The following ZNF273 variants were observed in gnomAD, a reference collection of about 807,000 sequenced individuals.
The protein encoded by ZNF273 is zinc finger protein 9.
ZNF273 carries 11 observed loss-of-function variants against 14.9 expected under a neutral mutation model. That is an observed-to-expected ratio of 0.74 (90% CI 0.46 to 1.22). The LOEUF (loss-of-function observed/expected upper bound fraction) is 1.22, where lower values mean the gene tolerates loss of function less well. Among genes scored for constraint, ZNF273 ranks in the 50% most tolerant of loss-of-function variants. The pLI is 0.00. For synonymous variants in ZNF273, 199 were observed against 223.9 expected (o/e 0.89, Z 0.99); for missense variants, 577 against 660.6 (o/e 0.87, Z 1.39).
upstream of ZNF273, among the ~76,000 whole-genome samples, chr7:64,899,693 A>C (rs1163630157): frequency 2.6e-5 from 4 of 152,084 alleles, no homozygotes; most frequent in African/African-American, 9.7e-5. Flanking sequence ...AAGTTGTTTA[A>C]AGTTCAGTAT....
upstream of ZNF273, among the ~76,000 whole-genome samples, chr7:64,901,982 G>A (rs1307212196): frequency 6.6e-6 from 1 of 151,134 alleles, no homozygotes; most frequent in Non-Finnish European, 1.5e-5. Flanking sequence ...GCACTACTTT[G>A]GGAGGCCAAG....
chr7:64,912,831 T>TTGTTGTTTTG (rs1283651560), intron 1 of ZNF273, among the ~76,000 whole-genome samples: 1 of 86,624 alleles, frequency 1.2e-5, no homozygotes, highest in African/African-American at 3.4e-5. Flanking sequence ...TTTTAGTTTT[T>TTGTTGTTTTG]TTTTTTTTTT....
At chr7:64,878,669 A>G (rs902961206) in intron 2 of ZNF273, among the ~76,000 whole-genome samples, 2 of 152,214 alleles carry the variant, frequency 1.3e-5, no homozygotes, top group Non-Finnish European at 2.9e-5. Context: ...CATTTGGGGA[A>G]CCACTGGAGC....
chr7:64,884,822 G>T (rs1223342638), intron 1 of ZNF273, among the ~76,000 whole-genome samples: 1 of 152,212 alleles, frequency 6.6e-6, no homozygotes, highest in Admixed American at 6.5e-5. Context: ...CCTCCAGCGG[G>T]ACCCGACTAA....
chr7:64,907,265 GTTTC>G (rs1793181703), intron 1 of ZNF273, among the ~76,000 whole-genome samples: 1 of 152,134 alleles, frequency 6.6e-6, no homozygotes, highest in East Asian at 1.9e-4. Context: ...ATGGGAGGGT[GTTTC>G]TTTCCATCAA....
rs780773605 is a variant in ZNF273 at position 64,917,612 on chromosome 7, A to C, written c.134A>C (p.Glu45Ala). Residue 45 changes from glutamate to alanine, a missense_variant, in exon 2 of 4, where the codon GAA becomes GCA. Glu to Ala is a moderately radical substitution (Grantham distance 107, BLOSUM62 -1). Coordinates refer to ENST00000476120, the MANE Select transcript of ZNF273 (RefSeq NM_021148.3). ...CTGACATTTAGGGATGTGGCCATAG[A>C]ATTCTCTCTGGAGGAGTGGCAATGC... is the stretch of plus-strand genomic sequence containing the variant. ...GPLTFRDVAI[E>A]FSLEEWQCLD... 21 of 1,599,738 alleles carry C rather than the reference A, an allele frequency of 1.3e-5. No homozygotes were observed. The highest frequency in any genetic ancestry group is 2.7e-5 in the African/African-American group (2 of 74,514).
downstream of ZNF273, among the ~76,000 whole-genome samples, chr7:64,932,624 A>G (rs2129110896): frequency 6.6e-6 from 1 of 152,064 alleles, no homozygotes; most frequent in South Asian, 2.1e-4. Flanking sequence ...TTTTTAAGAG[A>G]GCTAATGGTA....
intron 1 of ZNF273, among the ~76,000 whole-genome samples, chr7:64,907,526 A>G (rs544539302): frequency 1.3e-5 from 2 of 152,310 alleles, no homozygotes; most frequent in South Asian, 2.1e-4. Flanking sequence ...ATTTTTAAAC[A>G]GTAACCCCAG....
At chr7:64,934,673 G>A (rs1269820986), downstream of ZNF273, among the ~76,000 whole-genome samples, 1 of 151,964 alleles carries the variant, frequency 6.6e-6, no homozygotes, top group East Asian at 1.9e-4. Context: ...ATATGTGTCT[G>A]TTTTTATTCA....
chr7:64,927,615 T>G, intron 3 of ZNF273, 39 bp from the exon 4 acceptor site: 2 of 1,497,880 alleles, frequency 1.3e-6, no homozygotes, highest in Non-Finnish European at 1.8e-6. Context: ...TTCATCTGAG[T>G]CTAGTAAGTG....
chr7:64,892,695 G>A (rs1792108346), downstream of ZNF273, among the ~76,000 whole-genome samples: 1 of 152,208 alleles, frequency 6.6e-6, no homozygotes, highest in Non-Finnish European at 1.5e-5. Flanking sequence ...AAATGCATGG[G>A]ATTTTATAGA....
chr7:64,889,465 G>A, downstream of ZNF273: 1 of 985,950 alleles, frequency 1.0e-6, no homozygotes, highest in Non-Finnish European at 1.2e-6. This position sits in a 1 kb window ranked among gnomAD's most constrained non-coding sequence, Gnocchi z 4.2. Context: ...TCCTGGGGCT[G>A]CGTCCCCGCG....
intron 1 of ZNF273, chr7:64,888,267 C>T: frequency 1.0e-6 from 1 of 984,128 alleles, no homozygotes; most frequent in Non-Finnish European, 1.2e-6. Flanking sequence ...GTCAGATGTC[C>T]CTGTCTCTAT....
intron 1 of ZNF273, among the ~76,000 whole-genome samples, chr7:64,913,910 T>C (rs1793753879): frequency 6.7e-6 from 1 of 149,290 alleles, no homozygotes; most frequent in Non-Finnish European, 1.5e-5. Flanking sequence ...TGCAGAAATC[T>C]TTTTACTTGT....
At chr7:64,921,636 T>TTTTTTTTTTTTTTTTTTTTTTGTG (rs1554388712) in intron 3 of ZNF273, among the ~76,000 whole-genome samples, 1 of 33,964 alleles carries the variant, frequency 2.9e-5, no homozygotes, top group Non-Finnish European at 5.8e-5. Context: ...TTTTTTTTTT[T>TTTTTTTTTTTTTTTTTTTTTTGTG]TGTGTGTGAG....
rs763290659 is a variant in ZNF273, at chr7:64,918,310, C to T, written c.325+18C>T. 6.5e-6 allele frequency: 10 copies of T among 1,532,928 alleles called. No homozygotes were observed. The highest frequency in any genetic ancestry group is 2.8e-5 in the African/African-American group (2 of 71,876). The allele number at this position is 1,532,928 out of a possible 1,614,324, so 95.0% of individuals were successfully genotyped here. The stretch of plus-strand genomic sequence containing the variant: ...ACCCCCAGGTAGGTGAGAGTGATAG[C>T]GAATATAACAGATGACACAGATGAC... On this transcript the variant is annotated intron_variant, in intron 3 of 3. Coordinates refer to ENST00000476120, the MANE Select transcript of ZNF273 (RefSeq NM_021148.3).
chr7:64,918,659 C>CAAAAAA lies in ZNF273; in HGVS notation c.325+391_325+396dup, dbSNP rs1171857179. 3.1e-3 allele frequency among the ~76,000 whole-genome samples: 245 copies of CAAAAAA among 80,046 alleles called. 10 individuals are homozygous for CAAAAAA. The highest frequency in any genetic ancestry group is 0.011 in the African/African-American group (221 of 20,062). 52.5% of individuals were successfully genotyped at this position (80,046 alleles called of 152,430 possible). ...CTGGAGACAGAGTGAGACTCCATCT[C>CAAAAAA]AAAAAAAAAAAAAAAAAAAAAAAAA... On this transcript the variant is annotated intron_variant, in intron 3 of 3. Transcript: ENST00000476120.
intron 3 of ZNF273, chr7:64,897,285 C>T (rs1286571230): frequency 2.0e-5 from 3 of 152,176 alleles, no homozygotes; most frequent in African/African-American, 7.2e-5. Context: ...GTATAGAAAT[C>T]ACTGAAAGAA....
At chr7:64,907,569 C>T (rs1407434963) in intron 1 of ZNF273, among the ~76,000 whole-genome samples, 1 of 152,174 alleles carries the variant, frequency 6.6e-6, no homozygotes, top group Non-Finnish European at 1.5e-5. Flanking sequence ...TTGTGACTGG[C>T]ATCTGCAGTG....
Sources: allele counts gnomAD v4.1 joint callset (sites outside exome capture counted in the v4.1 genomes callset), GRCh38; gene constraint gnomAD v4.1.1; non-coding constraint Gnocchi (gnomAD v3.1); transcripts MANE v1.5; gene names NCBI Gene and HGNC (gene_info 2026-07-23, HGNC 2026-07-21).